CCDC40: variants seen among roughly 807,000 people sequenced by gnomAD.
CCDC40 encodes the protein coiled-coil domain 40 molecular ruler complex subunit.
In CCDC40, 104 loss-of-function variants were observed where a neutral mutation model predicts 124.5. The observed-to-expected ratio is 0.84, with a 90% CI of 0.71 to 0.98. The LOEUF is 0.98. CCDC40 is among the 50% of genes least tolerant of loss of function. The pLI is 0.00. For missense variants in CCDC40, 1,463 were observed against 1,503.9 expected (o/e 0.97, Z 0.45); for synonymous variants, 580 against 602.9 (o/e 0.96, Z 0.56).
intron 7 of CCDC40, among the ~76,000 whole-genome samples, chr17:80,055,995 TATATATATATATATA>T (rs2037727899): frequency 9.3e-5 from 1 of 10,760 alleles, no homozygotes; most frequent in African/African-American, 2.1e-4. Flanking sequence ...TATATATATA[TATATATATATATATA>T]TATATATTTT....
In CCDC40 at chr17:80,058,576, C is replaced by T; in HGVS notation, c.1242C>T (p.Asp414=). Residue 414 remains aspartate (D), a synonymous_variant, in exon 8 of 20, where the codon GAC becomes GAT. Transcript: ENST00000397545. This position sits in a 1 kb window ranked among gnomAD's most constrained non-coding sequence, Gnocchi z 4.2. ...MQNIDQDMRD[D]IRVMTQVVKK... ...ACATCGACCAGGACATGCGTGACGA[C>T]ATCCGCGTGATGACACAAGTGGTAA... 4.3e-6 allele frequency: 7 copies of T among 1,614,154 alleles called. No individual in the cohort carries two copies. Among genetic ancestry groups the T allele is most frequent in the Non-Finnish European group, 5.9e-6 (7 of 1,179,964 alleles).
intron 7 of CCDC40, among the ~76,000 whole-genome samples, chr17:80,050,888 G>A (rs28675331): frequency 0.32 from 48,525 of 152,032 alleles, 10,509 homozygotes; most frequent in African/African-American, 0.62. Context: ...AGAGCAGACC[G>A]GGGGTGATGG....
At chr17:80,049,074 A>AC (rs113179891) in intron 5 of CCDC40, among the ~76,000 whole-genome samples, 4 of 150,958 alleles carry the variant, frequency 2.6e-5, no homozygotes, top group Non-Finnish European at 4.4e-5. Flanking sequence ...CAGGAGCACC[A>AC]CCCCCCCGCC....
intron 10 of CCDC40, 41 bp downstream of exon 10, chr17:80,065,647 C>T (rs780101981): frequency 1.2e-6 from 2 of 1,609,638 alleles, no homozygotes; most frequent in Non-Finnish European, 1.7e-6. Flanking sequence ...GCGGGAACCC[C>T]AGGGGTCCGT....
At chr17:80,095,699 G>T (rs146644898) in intron 18 of CCDC40, among the ~76,000 whole-genome samples, 1 of 152,136 alleles carries the variant, frequency 6.6e-6, no homozygotes, top group Non-Finnish European at 1.5e-5. Context: ...TTAGAGGGGC[G>T]TGCTCAGCAC....
chr17:80,073,573 G>A (rs769225348), intron 10 of CCDC40, among the ~76,000 whole-genome samples: 20 of 152,142 alleles, frequency 1.3e-4, no homozygotes, highest in African/African-American at 2.2e-4. Context: ...GCCGGCTGGC[G>A]TTCTTCCATT....
rs1353469681 is a variant in CCDC40, at chr17:80,089,748, T to C, written c.2712-16T>C. On this transcript the variant is annotated splice_polypyrimidine_tract_variant and intron_variant, in intron 16 of 19. Coordinates refer to ENST00000397545, the MANE Select transcript of CCDC40 (RefSeq NM_017950.4). ...AAAACTCCTAATTTCTTACACTGCCTCTCCTACCTCTAAAGACACCAGATT... is the reference window on the plus strand; with the variant it reads ...AAAACTCCTAATTTCTTACACTGCCCCTCCTACCTCTAAAGACACCAGATT... 1.2e-6 allele frequency: 2 copies of C among 1,614,072 alleles called. No individual in the cohort carries two copies. The highest frequency in any genetic ancestry group is 1.7e-5 in the Admixed American group (1 of 60,018).
In CCDC40 at chr17:80,099,628, G is replaced by A; in HGVS notation, c.3282G>A (p.Val1094=). The change falls in exon 20 of 20, where the codon GTG becomes GTA. Residue 1094 remains valine, a synonymous_variant. Transcript: ENST00000397545. ...VFLFRSKQSL[V]LERQRLDKRL... Reference sequence around the variant, plus strand: ...TGTTCCGCTCCAAGCAGTCCCTAGTGCTGGAGCGCCAGCGCCTGGACAAGC... The same window carrying A: ...TGTTCCGCTCCAAGCAGTCCCTAGTACTGGAGCGCCAGCGCCTGGACAAGC... The A allele has an allele frequency of 1.2e-6, 2 of 1,613,692 alleles. No homozygotes were observed. Among genetic ancestry groups the A allele is most frequent in the South Asian group, 1.1e-5 (1 of 91,080 alleles).
rs766281802 is a variant in CCDC40, at chr17:80,038,104, A to G, written c.30-19A>G. On this transcript the variant is annotated intron_variant, in intron 1 of 19. Coordinates refer to ENST00000397545, the MANE Select transcript of CCDC40 (RefSeq NM_017950.4). ...GAAAGCTGTTGCTTGAAACTGTTCAATTGTTTCTCTAAAACCAGGTCCCAT... is the reference window on the plus strand; with the variant it reads ...GAAAGCTGTTGCTTGAAACTGTTCAGTTGTTTCTCTAAAACCAGGTCCCAT... The G allele has an allele frequency of 6.3e-6, 10 of 1,578,408 alleles. No homozygotes were observed. The South Asian group carries it at 8.9e-5, about 14-fold the overall frequency.
chr17:80,048,676 C>T lies in CCDC40; in HGVS notation c.770C>T (p.Ala257Val), dbSNP rs1245225315. Residue 257 changes from alanine (A) to valine (V), a missense_variant, in exon 5 of 20, where the codon GCC becomes GTC. Transcript: ENST00000397545. Reference protein sequence around the residue: ...QIQQPSTEEGAMAERVESEGS... With the variant: ...QIQQPSTEEGVMAERVESEGS... ...CAGCAGCCCAGCACCGAGGAGGGGG[C>T]CATGGCAGAGAGAGTGGAGTCCGAG... 1 of 1,614,052 alleles carries T rather than the reference C, an allele frequency of 6.2e-7. No individual in the cohort carries two copies.
intron 10 of CCDC40, among the ~76,000 whole-genome samples, 193 bp downstream of exon 10, chr17:80,065,799 C>T (rs1195444326): frequency 6.6e-6 from 1 of 152,218 alleles, no homozygotes; most frequent in East Asian, 1.9e-4. Flanking sequence ...AAATCCTTTC[C>T]AACACTGCGG....
chr17:80,067,503 A>G (rs976612852), intron 10 of CCDC40: 8 of 1,205,692 alleles, frequency 6.6e-6, no homozygotes, highest in Admixed American at 2.0e-5. Flanking sequence ...TCCATTTAAC[A>G]GCGTGTCCCT....
chr17:80,086,275 A>C lies in CCDC40; in HGVS notation c.2449+59A>C. 1 of 1,435,678 alleles carries C rather than the reference A, an allele frequency of 7.0e-7. No homozygotes were observed. The highest frequency in any genetic ancestry group is 9.6e-7 in the Non-Finnish European group (1 of 1,043,126). 88.9% of individuals were successfully genotyped at this position (1,435,678 alleles called of 1,614,324 possible). A position where few individuals can be genotyped will look rare whatever the true frequency, so the allele number is the denominator to read the frequency against. On this transcript the variant is annotated intron_variant, in intron 14 of 19. Transcript: ENST00000397545. The surrounding 1 kb of genome is among the most constrained non-coding windows in gnomAD (Gnocchi z 5.5). ...CTGAGACGAGCTCTGGGACGTGGGC[A>C]CCTCCCAGGGGAGGGGCACTCAGTG...
intron 17 of CCDC40, among the ~76,000 whole-genome samples, chr17:80,091,389 C>T (rs1193170141): frequency 1.3e-5 from 2 of 151,720 alleles, no homozygotes; most frequent in African/African-American, 4.8e-5. Flanking sequence ...TGAGAATTGG[C>T]TCTTATGATT....
Position 80,038,401 on chromosome 17 carries a change from C to T in CCDC40, c.93+215C>T, listed in dbSNP as rs138108510. The stretch of plus-strand genomic sequence containing the variant: ...TAAAAATTAGCCGGGCGTGGTGGTG[C>T]GCACATGTAGTCCCAGCTACTCGGG... On this transcript the variant is annotated intron_variant, in intron 2 of 19. Transcript: ENST00000397545. Among the ~76,000 whole-genome samples the T allele has an allele frequency of 0.044, 6,630 of 152,104 alleles. 472 individuals are homozygous for T. The highest frequency in any genetic ancestry group is 0.15 in the African/African-American group (6,115 of 41,456).
chr17:80,037,688 A>AAAAAAAAAATATATAT, intron 1 of CCDC40, among the ~76,000 whole-genome samples: 7 of 45,710 alleles, frequency 1.5e-4, no homozygotes, highest in African/African-American at 4.1e-4. Flanking sequence ...TTTTTTAAAA[A>AAAAAAAAAATATATAT]AGATATACAT....
rs1299045819 is a variant in CCDC40, at chr17:80,090,314, A to C, written c.2832+430A>C. ...ACGCGCGCAGGCACGTGCACGAACA[A>C]CACGGGACGCGCGCAGGCACGTGCA... On this transcript the variant is annotated intron_variant, in intron 17 of 19. Transcript: ENST00000397545. 993 of 1,284,864 alleles carry C rather than the reference A, an allele frequency of 7.7e-4. 24 individuals are homozygous for C. The African/African-American group carries it at 0.013, about 17-fold the overall frequency. 79.6% of individuals were successfully genotyped at this position (1,284,864 alleles called of 1,614,324 possible).
At chr17:80,040,397 G>A (rs2037247112) in intron 3 of CCDC40, 127 bp downstream of exon 3, 1 of 995,038 alleles carries the variant, frequency 1.0e-6, no homozygotes, top group African/African-American at 1.6e-5. Context: ...GTCTTAGCAA[G>A]GCTGGGTGCG....
At position 80,047,709 on chromosome 17, in the gene CCDC40, C is replaced by T. The variant is rs7223806; in HGVS notation, c.676+307C>T. Among the ~76,000 whole-genome samples, 48,675 of 152,098 alleles carry T rather than the reference C, an allele frequency of 0.32. 10,579 individuals carry two copies. Among genetic ancestry groups the T allele is most frequent in the African/African-American group, 0.62 (25,858 of 41,478 alleles). On this transcript the variant is annotated intron_variant, in intron 4 of 19. Transcript: ENST00000397545. The stretch of plus-strand genomic sequence containing the variant: ...CGCGGCCTTCACCAAGATTCAGTGA[C>T]GCCCAGCCCCATCCCCTGACAGCCA...
Sources: gnomAD v4.1 joint callset for allele counts (sites outside exome capture counted in the v4.1 genomes callset) on GRCh38, gnomAD v4.1.1 for gene constraint, Gnocchi (gnomAD v3.1) non-coding constraint, MANE v1.5 for transcripts, NCBI Gene and HGNC (gene_info 2026-07-23, HGNC 2026-07-21) for gene names.